TBX18: variants seen among roughly 807,000 people sequenced by gnomAD.
TBX18 encodes the protein T-box transcription factor TBX18.
In TBX18, 21 loss-of-function variants were observed where a neutral mutation model predicts 55.0. That is an observed-to-expected ratio of 0.38 (90% CI 0.27 to 0.55). The LOEUF (loss-of-function observed/expected upper bound fraction) is 0.55. TBX18 is among the 20% of genes least tolerant of loss of function. The probability of loss-of-function intolerance (pLI) is 0.73; values close to 1 mark genes in which losing one functional copy is unlikely to be tolerated. For missense variants in TBX18, 840 were observed against 799.6 expected (o/e 1.05, Z -0.61); for synonymous variants, 342 against 326.1 (o/e 1.05, Z -0.53).
At chr6:84,757,427 A>AT (rs990372839) in intron 3 of TBX18, among the ~76,000 whole-genome samples, 3 of 152,106 alleles carry the variant, frequency 2.0e-5, no homozygotes, top group Admixed American at 6.6e-5. Context: ...ATCATTTGGT[A>AT]TTTTTTCTAA....
chr6:84,736,984 C>G lies in TBX18; in HGVS notation c.1525G>C (p.Ala509Pro), dbSNP rs767328277. Residue 509 changes from alanine (A) to proline (P), a missense_variant, in exon 8 of 8, where the codon GCC (alanine) becomes CCC (proline). Physicochemically the swap from Ala to Pro is conservative, Grantham distance 27. Coordinates refer to ENST00000369663, the MANE Select transcript of TBX18 (RefSeq NM_001080508.3). Reference protein sequence around the residue: ...IMPSPSSNAFATNQTHQGSYN... With the variant: ...IMPSPSSNAFPTNQTHQGSYN... Reference sequence around the variant, plus strand: ...GAACCCTGATGGGTCTGGTTAGTGGCGAAGGCATTGCTGGAGGGTGATGGC... The same window carrying G: ...GAACCCTGATGGGTCTGGTTAGTGGGGAAGGCATTGCTGGAGGGTGATGGC... 6.2e-7 allele frequency: 1 copy of G among 1,611,202 alleles called. No homozygotes were observed. The highest frequency in any genetic ancestry group is 8.5e-7 in the Non-Finnish European group (1 of 1,178,368).
rs1415011375 is a variant in TBX18 at position 84,744,279 on chromosome 6, C to T, written c.986G>A (p.Arg329Gln). The T allele has an allele frequency of 8.7e-6, 14 of 1,612,722 alleles. No individual in the cohort carries two copies. The highest frequency in any genetic ancestry group is 2.7e-5 in the African/African-American group (2 of 74,816). Residue 329 changes from arginine to glutamine, a missense_variant, in exon 6 of 8, where the codon CGA (arginine) becomes CAA (glutamine). Coordinates refer to ENST00000369663, the MANE Select transcript of TBX18 (RefSeq NM_001080508.3). ...IDRNPFAKGF[R>Q]DSGRNRMGLE... Reference sequence around the variant, plus strand: ...GGCCCACCTGTTGCGCCCGGAGTCTCGGAAGCCTTTAGCAAATGGATTCCT... The same window carrying T: ...GGCCCACCTGTTGCGCCCGGAGTCTTGGAAGCCTTTAGCAAATGGATTCCT...
intron 7 of TBX18, among the ~76,000 whole-genome samples, 181 bp from the exon 8 acceptor site, chr6:84,737,590 G>C (rs973110754): frequency 6.6e-6 from 1 of 152,204 alleles, no homozygotes; most frequent in African/African-American, 2.4e-5. Flanking sequence ...TTTCCAATTA[G>C]AAAACAAGTT....
At chr6:84,760,985 C>A (rs1387271102) in intron 2 of TBX18, among the ~76,000 whole-genome samples, 2 of 152,140 alleles carry the variant, frequency 1.3e-5, no homozygotes, top group African/African-American at 4.8e-5. Context: ...CCCCGCCATA[C>A]CATGAAAATG....
At chr6:84,752,630 A>G (rs1365754660) in intron 4 of TBX18, among the ~76,000 whole-genome samples, 3 of 152,238 alleles carry the variant, frequency 2.0e-5, no homozygotes, top group Non-Finnish European at 4.4e-5. Context: ...TCAGAGAATG[A>G]AAGTGACTTG....
chr6:84,757,316 G>T (rs1353466310), intron 3 of TBX18, among the ~76,000 whole-genome samples: 1 of 152,184 alleles, frequency 6.6e-6, no homozygotes, highest in East Asian at 1.9e-4. Flanking sequence ...TCTGATGTTA[G>T]ACTATGTAAA....
At chr6:84,747,040 T>C (rs1435611740) in intron 5 of TBX18, among the ~76,000 whole-genome samples, 2 of 152,022 alleles carry the variant, frequency 1.3e-5, no homozygotes, top group Non-Finnish European at 2.9e-5. Flanking sequence ...AAAGAACACA[T>C]GGGATAGGAT....
chr6:84,737,902 C>G (rs954453844), intron 7 of TBX18, among the ~76,000 whole-genome samples: 4 of 152,222 alleles, frequency 2.6e-5, no homozygotes, highest in Non-Finnish European at 5.9e-5. Context: ...CAAATTCTCA[C>G]TGGAATCTGG....
At chr6:84,740,578 C>T (rs1767021451) in intron 6 of TBX18, among the ~76,000 whole-genome samples, 1 of 138,100 alleles carries the variant, frequency 7.2e-6, no homozygotes, top group African/African-American at 2.5e-5. Context: ...CAGTTCCAAA[C>T]CACATGTTGC....
At chr6:84,747,339 T>TC (rs1767223541) in intron 5 of TBX18, among the ~76,000 whole-genome samples, 1 of 152,198 alleles carries the variant, frequency 6.6e-6, no homozygotes, top group Non-Finnish European at 1.5e-5. Context: ...GAGAAATATA[T>TC]ACATTTACCC....
chr6:84,754,781 T>TAC (rs1216453853), intron 4 of TBX18, among the ~76,000 whole-genome samples: 2 of 152,208 alleles, frequency 1.3e-5, no homozygotes, highest in Non-Finnish European at 2.9e-5. Flanking sequence ...AAAAGTGGAC[T>TAC]ACCCTTCATA....
intron 5 of TBX18, 117 bp downstream of exon 5, chr6:84,747,803 A>C (rs1288590518): frequency 3.2e-6 from 3 of 925,544 alleles, no homozygotes; most frequent in Non-Finnish European, 4.7e-6. Flanking sequence ...TACACTTTGA[A>C]TGTCATATAT....
At chr6:84,745,171 C>T (rs778751104) in intron 5 of TBX18, among the ~76,000 whole-genome samples, 18 of 152,186 alleles carry the variant, frequency 1.2e-4, no homozygotes, top group Non-Finnish European at 2.2e-4. Context: ...TCATAACCAA[C>T]TTTTTGCTCA....
chr6:84,750,792 T>C (rs1271166848), intron 4 of TBX18, among the ~76,000 whole-genome samples: 9 of 151,458 alleles, frequency 5.9e-5, no homozygotes, highest in Admixed American at 5.9e-4. Flanking sequence ...CCACCTGGTG[T>C]CTCATTAGTT....
At chr6:84,737,537 G>A in intron 7 of TBX18, 128 bp from the exon 8 acceptor site, 1 of 1,024,516 alleles carries the variant, frequency 9.8e-7, no homozygotes, top group Non-Finnish European at 1.3e-6. Flanking sequence ...ATGAAAAGGA[G>A]ATGGTCTCAG....
At chr6:84,761,646 C>G (rs886689170) in intron 2 of TBX18, among the ~76,000 whole-genome samples, 5 of 152,088 alleles carry the variant, frequency 3.3e-5, no homozygotes, top group African/African-American at 1.2e-4. Flanking sequence ...TCTAAAGTTC[C>G]GTTTAAGGAA....
chr6:84,739,397 A>G (rs985270118), intron 6 of TBX18, among the ~76,000 whole-genome samples: 3 of 152,190 alleles, frequency 2.0e-5, no homozygotes, highest in Non-Finnish European at 2.9e-5. Flanking sequence ...CTCTAAATAC[A>G]TATATCAACC....
At chr6:84,742,159 T>TA (rs1767064565) in intron 6 of TBX18, 1 of 152,168 alleles carries the variant, frequency 6.6e-6, no homozygotes, top group Non-Finnish European at 1.5e-5. Flanking sequence ...TAATATTGTT[T>TA]AAACACTTGG....
chr6:84,763,517 C>T (rs1425506322), intron 1 of TBX18: 3 of 499,462 alleles, frequency 6.0e-6, no homozygotes, highest in East Asian at 1.1e-4. Flanking sequence ...TGGGGTATGC[C>T]GTCGCTCCCC....
Sources: gnomAD v4.1 joint callset for allele counts (sites outside exome capture counted in the v4.1 genomes callset) on GRCh38, gnomAD v4.1.1 for gene constraint, MANE v1.5 for transcripts, NCBI Gene and HGNC (gene_info 2026-07-23, HGNC 2026-07-21) for gene names.